ELK3: variants seen among roughly 807,000 people sequenced by gnomAD.
The protein encoded by ELK3 is ETS transcription factor ELK3.
A neutral mutation model predicts 28.9 loss-of-function variants in ELK3; 10 were observed. The observed-to-expected ratio is 0.35, with a 90% CI of 0.21 to 0.59. ELK3 has a LOEUF of 0.59. Ranked by LOEUF, ELK3 falls within the 20% of genes least tolerant of loss-of-function variation. ELK3 has a pLI of 0.82. For synonymous variants in ELK3, 272 were observed against 243.5 expected, an observed-to-expected ratio of 1.12 and a Z score of -1.09; for missense variants, 463 against 517.3, an observed-to-expected ratio of 0.90 and a Z score of 1.02.
At chr12:96,240,854 T>C (rs980494307) in intron 2 of ELK3, among the ~76,000 whole-genome samples, 1 of 152,130 alleles carries the variant, frequency 6.6e-6, no homozygotes, top group Non-Finnish European at 1.5e-5. Flanking sequence ...GAAGATCAGA[T>C]AACAAGACTA....
At chr12:96,224,694 C>T (rs1424837838) in intron 2 of ELK3, among the ~76,000 whole-genome samples, 1 of 152,178 alleles carries the variant, frequency 6.6e-6, no homozygotes, top group Non-Finnish European at 1.5e-5. Flanking sequence ...TTAGGAGAAC[C>T]ATTTCAGGCC....
rs200537628 is a variant in ELK3 at position 96,247,255 on chromosome 12, C to T, written c.523C>T (p.Pro175Ser). ...GGAGGAGCCGCCCGAAGACAGCCCC[C>T]CCGTGGAAGAAGTCAGGACTGTGAT... is the stretch of plus-strand genomic sequence containing the variant. The part of the protein sequence containing the change: ...KLEEPPEDSP[P>S]VEEVRTVIRF... The change falls in exon 3 of 5, where the codon CCC becomes TCC. Residue 175 changes from proline (P) to serine (S), a missense_variant. Physicochemically the swap from Pro to Ser is moderately conservative, Grantham distance 74. Transcript: ENST00000228741. The surrounding 1 kb of genome is among the most constrained non-coding windows in gnomAD (Gnocchi z 5.5). The T allele has an allele frequency of 3.1e-6, 5 of 1,614,230 alleles. No homozygotes were observed. The highest frequency in any genetic ancestry group is 1.7e-5 in the Admixed American group (1 of 60,030).
intron 4 of ELK3, among the ~76,000 whole-genome samples, chr12:96,261,523 G>T (rs1186510450): frequency 1.3e-5 from 2 of 152,214 alleles, no homozygotes; most frequent in Non-Finnish European, 2.9e-5. Flanking sequence ...TAATAGAATA[G>T]AAAGAAATTG....
intron 2 of ELK3, among the ~76,000 whole-genome samples, chr12:96,238,219 C>T (rs1951797441): frequency 6.6e-6 from 1 of 152,212 alleles, no homozygotes; most frequent in Non-Finnish European, 1.5e-5. Flanking sequence ...GCAAGATTCA[C>T]TGGGTGAGGG....
At chr12:96,243,440 A>ATTCTATTC (rs1951834945) in intron 2 of ELK3, among the ~76,000 whole-genome samples, 1 of 152,138 alleles carries the variant, frequency 6.6e-6, no homozygotes, top group Non-Finnish European at 1.5e-5. Context: ...ATAGAATAGA[A>ATTCTATTC]TATTCTATTC....
chr12:96,254,819 T>A (rs866263167), intron 3 of ELK3, among the ~76,000 whole-genome samples: 1 of 151,662 alleles, frequency 6.6e-6, no homozygotes, highest in Non-Finnish European at 1.5e-5. Context: ...CTGGAGGGGG[T>A]GAGACCACTG....
At chr12:96,245,970 A>G (rs1225506145) in intron 2 of ELK3, among the ~76,000 whole-genome samples, 1 of 152,228 alleles carries the variant, frequency 6.6e-6, no homozygotes, top group Non-Finnish European at 1.5e-5. Context: ...AATGTCACAG[A>G]TATCCAAAGT....
intron 1 of ELK3, among the ~76,000 whole-genome samples, chr12:96,218,723 A>G (rs932929161): frequency 1.4e-5 from 2 of 144,090 alleles, no homozygotes; most frequent in Non-Finnish European, 3.0e-5. Flanking sequence ...ATCTTGCCTC[A>G]CTGCAAGCTC....
chr12:96,216,644 G>T (rs1951620754), intron 1 of ELK3, among the ~76,000 whole-genome samples: 1 of 152,190 alleles, frequency 6.6e-6, no homozygotes, highest in Non-Finnish European at 1.5e-5. Context: ...TCTGTGAGGA[G>T]GATTCCCTGT....
chr12:96,220,632 T>G (rs1951655727), intron 1 of ELK3, among the ~76,000 whole-genome samples: 1 of 152,064 alleles, frequency 6.6e-6, no homozygotes, highest in South Asian at 2.1e-4. Context: ...CCTCAGGTAA[T>G]CCACCTGCCT....
chr12:96,238,831 G>T (rs561443055), intron 2 of ELK3, among the ~76,000 whole-genome samples: 1 of 152,326 alleles, frequency 6.6e-6, no homozygotes, highest in African/African-American at 2.4e-5. Context: ...TCAGCACAGA[G>T]CTGGTTTTCC....
At chr12:96,259,192 T>G (rs2137041957) in intron 3 of ELK3, among the ~76,000 whole-genome samples, 1 of 152,314 alleles carries the variant, frequency 6.6e-6, no homozygotes, top group East Asian at 1.9e-4. Flanking sequence ...ACCAGAATGT[T>G]TAGGGAAGGT....
chr12:96,208,575 C>T (rs188581533), intron 1 of ELK3, among the ~76,000 whole-genome samples: 207 of 152,288 alleles, frequency 1.4e-3, no homozygotes, highest in Middle Eastern at 3.4e-3. Context: ...AAAATTATAG[C>T]CTGATGTGTC....
At chr12:96,197,331 G>A (rs1271080037) in intron 1 of ELK3, among the ~76,000 whole-genome samples, 2 of 152,194 alleles carry the variant, frequency 1.3e-5, no homozygotes, top group East Asian at 3.9e-4. Context: ...AGACGCCAGG[G>A]GTGCTGCTAA....
At chr12:96,234,092 G>A (rs145534593) in intron 2 of ELK3, among the ~76,000 whole-genome samples, 191 of 152,322 alleles carry the variant, frequency 1.3e-3, no homozygotes, top group African/African-American at 4.5e-3. Context: ...ACATTGTGCC[G>A]GGAGATGGCA....
intron 1 of ELK3, among the ~76,000 whole-genome samples, chr12:96,217,596 T>C (rs988931784): frequency 6.6e-6 from 1 of 152,200 alleles, no homozygotes; most frequent in Non-Finnish European, 1.5e-5. Flanking sequence ...TTGATATCTG[T>C]ATGAGAGCCA....
At chr12:96,203,385 A>C (rs1951518717) in intron 1 of ELK3, among the ~76,000 whole-genome samples, 1 of 152,176 alleles carries the variant, frequency 6.6e-6, no homozygotes, top group African/African-American at 2.4e-5. Flanking sequence ...CATGTGCTGC[A>C]TGTCTGCGGT....
chr12:96,245,701 A>G (rs973023041), intron 2 of ELK3, among the ~76,000 whole-genome samples: 80 of 152,126 alleles, frequency 5.3e-4, no homozygotes, highest in African/African-American at 1.8e-3. Context: ...CTTGGACGCC[A>G]AGATGCATCC....
At chr12:96,230,890 A>C (rs2137020629) in intron 2 of ELK3, among the ~76,000 whole-genome samples, 1 of 152,276 alleles carries the variant, frequency 6.6e-6, no homozygotes, top group Admixed American at 6.5e-5. Context: ...TCCCCAGTTA[A>C]GCTTTTGTAG....
Sources: allele counts gnomAD v4.1 joint callset (sites outside exome capture counted in the v4.1 genomes callset), GRCh38; gene constraint gnomAD v4.1.1; non-coding constraint Gnocchi (gnomAD v3.1); transcripts MANE v1.5; gene names NCBI Gene and HGNC (gene_info 2026-07-23, HGNC 2026-07-21).